HGF: variants seen among roughly 807,000 people sequenced by gnomAD.
HGF encodes hepatocyte growth factor.
HGF carries 39 observed loss-of-function variants against 111.6 expected under a neutral mutation model. The ratio of observed to expected loss-of-function variants is 0.35; its 90% CI spans 0.27 to 0.46. HGF has a LOEUF of 0.46. HGF is among the 20% of genes least tolerant of loss of function. The pLI, the probability that HGF is intolerant of heterozygous loss-of-function variation, is 1.00. For missense variants in HGF, 735 were observed against 910.5 expected (o/e 0.81, Z 2.48); for synonymous variants, 285 against 294.8 (o/e 0.97, Z 0.34).
intron 4 of HGF, chr7:81,756,610 G>T (rs1788781025): frequency 6.2e-6 from 1 of 160,078 alleles, no homozygotes; most frequent in East Asian, 1.8e-4. Context: ...TGGTCAATCT[G>T]AAGCTTGAGC....
Position 81,729,787 on chromosome 7 carries a change from C to CA in HGF, c.866-9dup. The CA allele has an allele frequency of 6.6e-7, 1 of 1,521,776 alleles. No individual in the cohort carries two copies. The highest frequency in any genetic ancestry group is 8.7e-7 in the Non-Finnish European group (1 of 1,146,458). The allele number at this position is 1,521,776 out of a possible 1,614,324, so 94.3% of individuals were successfully genotyped here. On this transcript the variant is annotated splice_polypyrimidine_tract_variant and intron_variant, in intron 7 of 17. Coordinates refer to ENST00000222390, the MANE Select transcript of HGF (RefSeq NM_000601.6). ...CATTCATAGTATTGTCAGCTATTGG[C>CA]AAAAAACAACAACAAAAAAAAACTT... is the stretch of plus-strand genomic sequence containing the variant.
Position 81,702,374 on chromosome 7 carries a change from C to CCTTAA in HGF, c.*202_*206dup. The CCTTAA allele has an allele frequency of 1.8e-6, 1 of 548,602 alleles. No homozygotes were observed. Among genetic ancestry groups the CCTTAA allele is most frequent in the Non-Finnish European group, 3.3e-6 (1 of 304,946 alleles). 34.0% of individuals were successfully genotyped at this position (548,602 alleles called of 1,614,324 possible). On this transcript the variant is annotated 3_prime_UTR_variant, in exon 18 of 18. Transcript: ENST00000222390. ...AGATATGTTATTACACTTGCATGTA[C>CCTTAA]CTTAATTCACTTCAACATTGACAAA...
intron 1 of HGF, among the ~76,000 whole-genome samples, chr7:81,764,687 G>T (rs1003214884): frequency 4.6e-5 from 7 of 151,850 alleles, no homozygotes; most frequent in Admixed American, 3.9e-4. Flanking sequence ...TTATAAATAC[G>T]CAAAGTTTTA....
Position 81,702,743 on chromosome 7 carries a change from G to A in HGF, c.2025C>T (p.Gly675=), listed in dbSNP as rs781586687. 6.2e-7 allele frequency: 1 copy of A among 1,610,842 alleles called. No homozygotes were observed. Among genetic ancestry groups the A allele is most frequent in the Admixed American group, 1.7e-5 (1 of 59,684 alleles). The change falls in exon 18 of 18, where the codon GGC becomes GGT. Residue 675 remains glycine (G), a synonymous_variant. Transcript: ENST00000222390. ...TTTTATGTTGCTCACAAACAAGTGG[G>A]CCACCATAATCCCCCTAGGAGTAAG... is the stretch of plus-strand genomic sequence containing the variant. ...GSGPCEGDYG[G]PLVCEQHKMR...
chr7:81,712,848 T>C (rs997941207), intron 11 of HGF, among the ~76,000 whole-genome samples: 3 of 152,204 alleles, frequency 2.0e-5, no homozygotes, highest in African/African-American at 7.2e-5. Flanking sequence ...AATATATACT[T>C]ATTTAAGTTC....
chr7:81,732,118 G>C (rs1449851433), intron 7 of HGF, among the ~76,000 whole-genome samples: 4 of 152,108 alleles, frequency 2.6e-5, no homozygotes, highest in African/African-American at 9.7e-5. Flanking sequence ...ATCCAGTCTT[G>C]ATGAGTCCAG....
intron 7 of HGF, chr7:81,742,571 T>C: frequency 2.7e-6 from 1 of 376,166 alleles, no homozygotes; most frequent in Non-Finnish European, 3.9e-6. Flanking sequence ...TGAAAAAAAT[T>C]AGCCCTGTAT....
At chr7:81,742,744 C>A in intron 7 of HGF, 3 of 1,477,976 alleles carry the variant, frequency 2.0e-6, no homozygotes, top group Admixed American at 2.2e-5. Context: ...TAAGGGCCAG[C>A]ATGTAGAAAA....
Position 81,717,535 on chromosome 7 carries a change from T to C in HGF, c.1272-170A>G, listed in dbSNP as rs5745721. 2.4e-3 allele frequency among the ~76,000 whole-genome samples: 363 copies of C among 152,254 alleles called. 2 individuals carry two copies. Among genetic ancestry groups the C allele is most frequent in the African/African-American group, 7.4e-3 (307 of 41,564 alleles). On this transcript the variant is annotated intron_variant, in intron 10 of 17. Transcript: ENST00000222390. The stretch of plus-strand genomic sequence containing the variant: ...TGTTTGAGGTCTGTTTGGTTGCTAC[T>C]GTTGTTCCTACACTTTAGAAGCAGA...
chr7:81,742,731 A>G lies in HGF; in HGVS notation c.865+622T>C, dbSNP rs5745678. The G allele has an allele frequency of 0.78, 1,118,142 of 1,433,762 alleles. 437,997 individuals carry two copies. The highest frequency in any genetic ancestry group is 0.93 in the African/African-American group (64,820 of 69,720). The allele number at this position is 1,433,762 out of a possible 1,614,324, so 88.8% of individuals were successfully genotyped here. The stretch of plus-strand genomic sequence containing the variant: ...TTTTTATTGTAAATTCAGAAAAGCT[A>G]GGTAAGGGCCAGCATGTAGAAAAAT... On this transcript the variant is annotated intron_variant, in intron 7 of 17. Coordinates refer to ENST00000222390, the MANE Select transcript of HGF (RefSeq NM_000601.6).
At chr7:81,728,618 T>C (rs1790082047) in intron 8 of HGF, among the ~76,000 whole-genome samples, 1 of 152,238 alleles carries the variant, frequency 6.6e-6, no homozygotes, top group Non-Finnish European at 1.5e-5. Context: ...GTCAATTTTG[T>C]TATTGTAAAC....
rs1789264394 is a variant in HGF at position 81,700,993 on chromosome 7, T to C, written c.*1588A>G. 1 of 151,630 alleles carries C rather than the reference T, an allele frequency of 6.6e-6. No individual in the cohort carries two copies. The highest frequency in any genetic ancestry group is 6.6e-5 in the Admixed American group (1 of 15,142). 9.4% of individuals were successfully genotyped at this position (151,630 alleles called of 1,614,324 possible). On this transcript the variant is annotated 3_prime_UTR_variant, in exon 18 of 18. Transcript: ENST00000222390. ...AGTCAGAGAAATGGGACTACTGGAT[T>C]CACACCATTCAAAAAATTATTTTTA...
intron 9 of HGF, among the ~76,000 whole-genome samples, chr7:81,724,921 G>T (rs1342308493): frequency 6.6e-6 from 1 of 152,182 alleles, no homozygotes; most frequent in Non-Finnish European, 1.5e-5. Context: ...CCCTGAGGCA[G>T]TTATCTTCAA....
At chr7:81,736,687 T>C (rs749708381) in intron 7 of HGF, 6 of 469,054 alleles carry the variant, frequency 1.3e-5, no homozygotes, top group African/African-American at 4.0e-5. Context: ...GTAAAGAGAC[T>C]ATAATGAGAA....
At position 81,758,789 on chromosome 7, in the gene HGF, A is replaced by C; in HGVS notation, c.270T>G (p.Asp90Glu). Residue 90 changes from aspartate (D) to glutamate (E), a missense_variant, in exon 3 of 18, where the codon GAT (aspartate) becomes GAG (glutamate). Coordinates refer to ENST00000222390, the MANE Select transcript of HGF (RefSeq NM_000601.6). ...ACCAGAGGCATTGTTTTCTTGCTTT[A>C]TCAAAAACAAAAGCCCTGAAAAAAA... ...LPFTCKAFVFDKARKQCLWFP... is the reference protein window; with the variant it reads ...LPFTCKAFVFEKARKQCLWFP... The C allele has an allele frequency of 6.2e-7, 1 of 1,610,928 alleles. No individual in the cohort carries two copies. The highest frequency in any genetic ancestry group is 1.3e-5 in the African/African-American group (1 of 74,980).
chr7:81,719,971 T>C (rs1473996032), intron 10 of HGF, among the ~76,000 whole-genome samples: 1 of 152,204 alleles, frequency 6.6e-6, no homozygotes, highest in East Asian at 1.9e-4. Context: ...CAAATGACTG[T>C]AACTTGTTTT....
At chr7:81,746,750 G>C (rs892632545) in intron 5 of HGF, among the ~76,000 whole-genome samples, 1 of 152,000 alleles carries the variant, frequency 6.6e-6, no homozygotes, top group Non-Finnish European at 1.5e-5. Context: ...ACTACATTGA[G>C]CAGTATTATA....
Position 81,762,821 on chromosome 7 carries a change from T to G in HGF, c.140A>C (p.Lys47Thr), listed in dbSNP as rs1339013763. 6.3e-7 allele frequency: 1 copy of G among 1,598,326 alleles called. No homozygotes were observed. Among genetic ancestry groups the G allele is most frequent in the Non-Finnish European group, 8.6e-7 (1 of 1,165,788 alleles). Reference protein sequence around the residue: ...NTIHEFKKSAKTTLIKIDPAL... With the variant: ...NTIHEFKKSATTTLIKIDPAL... The stretch of plus-strand genomic sequence containing the variant: ...TGGATCTATTTTGATTAGGGTAGTC[T>G]TTGCTGATTTTTTGAATTCATGAAT... Residue 47 changes from lysine to threonine, a missense_variant, in exon 2 of 18, where the codon AAG (lysine) becomes ACG (threonine). Lys to Thr is a moderately conservative substitution (Grantham distance 78, BLOSUM62 -1). Coordinates refer to ENST00000222390, the MANE Select transcript of HGF (RefSeq NM_000601.6).
chr7:81,726,995 T>G (rs1407594857), intron 8 of HGF, among the ~76,000 whole-genome samples: 1 of 151,804 alleles, frequency 6.6e-6, no homozygotes, highest in East Asian at 1.9e-4. Context: ...GAAGTACTAT[T>G]ATACAATTAT....
Sources: allele counts gnomAD v4.1 joint callset (sites outside exome capture counted in the v4.1 genomes callset), GRCh38; gene constraint gnomAD v4.1.1; transcripts MANE v1.5; gene names NCBI Gene and HGNC (gene_info 2026-07-23, HGNC 2026-07-21).